The following CTNNA2 variants were observed in gnomAD, a reference collection of about 807,000 sequenced individuals.
The protein encoded by CTNNA2 is catenin alpha-2.
A neutral mutation model predicts 101.0 loss-of-function variants in CTNNA2; 42 were observed. That is an observed-to-expected ratio of 0.42 (90% confidence interval 0.32 to 0.54). The LOEUF is 0.54. CTNNA2 is among the 20% of genes least tolerant of loss of function. CTNNA2 has a pLI of 0.14. For missense variants in CTNNA2, 871 were observed against 1,223.1 expected, an observed-to-expected ratio of 0.71 and a Z score of 4.29; for synonymous variants, 450 against 456.4, an observed-to-expected ratio of 0.99 and a Z score of 0.18.
At chr2:79,587,905 C>T (rs951469773) in intron 1 of CTNNA2, among the ~76,000 whole-genome samples, 1 of 152,156 alleles carries the variant, frequency 6.6e-6, no homozygotes, top group African/African-American at 2.4e-5. Context: ...CAATCTGGCC[C>T]AGCTCAGGTC....
intron 1 of CTNNA2, among the ~76,000 whole-genome samples, chr2:79,623,110 G>T (rs1486751299): frequency 5.3e-5 from 8 of 152,164 alleles, no homozygotes; most frequent in Non-Finnish European, 1.0e-4. Context: ...AGATGTTCAT[G>T]AATCATAGTC....
Position 80,010,343 on chromosome 2 carries a change from A to G in CTNNA2, c.1056+100546A>G, listed in dbSNP as rs1232983571. Among the ~76,000 whole-genome samples, 5 of 152,192 alleles carry G rather than the reference A, an allele frequency of 3.3e-5. No homozygotes were observed. The East Asian group carries it at 7.7e-4, about 24-fold the overall frequency. Reference sequence around the variant, plus strand: ...ATTATTATTATTATTATTTTGAGACAGGGTCTCACTCTGTTGCCCAGGCTG... The same window carrying G: ...ATTATTATTATTATTATTTTGAGACGGGGTCTCACTCTGTTGCCCAGGCTG... On this transcript the variant is annotated intron_variant, in intron 7 of 18. Coordinates refer to ENST00000402739, the MANE Select transcript of CTNNA2 (RefSeq NM_001282597.3).
At chr2:79,609,229 C>T (rs62140087) in intron 1 of CTNNA2, among the ~76,000 whole-genome samples, 19,909 of 151,582 alleles carry the variant, frequency 0.13, 2,174 homozygotes, top group African/African-American at 0.3. Context: ...ATATAAAAAC[C>T]CAATATTATT....
chr2:80,137,723 G>T (rs1250925440), intron 7 of CTNNA2, among the ~76,000 whole-genome samples: 1 of 147,288 alleles, frequency 6.8e-6, no homozygotes, highest in Non-Finnish European at 1.5e-5. Context: ...TAGAACAGCT[G>T]GATCTCCTGC....
intron 9 of CTNNA2, 57 bp downstream of exon 9, chr2:80,419,658 T>C (rs1680339937): frequency 6.5e-7 from 1 of 1,540,544 alleles, no homozygotes; most frequent in Admixed American, 1.8e-5. Context: ...TCTCTGCATA[T>C]GGCTCTTAGA....
At chr2:79,722,064 A>G (rs1686524878) in intron 2 of CTNNA2, among the ~76,000 whole-genome samples, 1 of 152,116 alleles carries the variant, frequency 6.6e-6, no homozygotes, top group African/African-American at 2.4e-5. Flanking sequence ...ATTTGATTCA[A>G]TTTTCTAAAA....
chr2:80,266,705 CA>C (rs746452674), intron 7 of CTNNA2, among the ~76,000 whole-genome samples: 1 of 152,152 alleles, frequency 6.6e-6, no homozygotes, highest in Non-Finnish European at 1.5e-5. Context: ...TGTACTTCAT[CA>C]GAAGAAGTTA....
chr2:79,382,398 G>T (rs1678049417), intron 4 of CTNNA2, among the ~76,000 whole-genome samples: 1 of 151,982 alleles, frequency 6.6e-6, no homozygotes, highest in African/African-American at 2.4e-5. Flanking sequence ...CTCTCTGTCT[G>T]GGTATGTGTG....
chr2:80,314,112 C>T (rs1467584015), intron 7 of CTNNA2, among the ~76,000 whole-genome samples: 4 of 152,132 alleles, frequency 2.6e-5, no homozygotes, highest in African/African-American at 9.7e-5. Context: ...CTGGAATGTG[C>T]TTGGTGGCTA....
chr2:79,670,031 G>A (rs1214564297), intron 2 of CTNNA2, among the ~76,000 whole-genome samples: 1 of 152,174 alleles, frequency 6.6e-6, no homozygotes, highest in African/African-American at 2.4e-5. Flanking sequence ...TGTGGGAGCA[G>A]ACAACTCTGA....
intron 7 of CTNNA2, among the ~76,000 whole-genome samples, chr2:80,040,181 A>G (rs550930647): frequency 3.9e-5 from 6 of 152,184 alleles, no homozygotes; most frequent in Non-Finnish European, 7.3e-5. Flanking sequence ...GTCACACATT[A>G]TATCATTTTA....
intron 7 of CTNNA2, among the ~76,000 whole-genome samples, chr2:80,391,276 T>A (rs1334591895): frequency 6.6e-6 from 1 of 152,164 alleles, no homozygotes; most frequent in Non-Finnish European, 1.5e-5. Flanking sequence ...CAGGCCCATT[T>A]GATTCTCATT....
intron 2 of CTNNA2, among the ~76,000 whole-genome samples, chr2:79,214,351 G>C (rs1482745307): frequency 6.6e-6 from 1 of 152,132 alleles, no homozygotes; most frequent in African/African-American, 2.4e-5. Flanking sequence ...CAGAATAATG[G>C]ATTGTGGAGG....
At chr2:79,774,937 G>A (rs1031737410) in intron 3 of CTNNA2, among the ~76,000 whole-genome samples, 9 of 152,210 alleles carry the variant, frequency 5.9e-5, no homozygotes, top group East Asian at 1.9e-4. Context: ...TGCAGATTGC[G>A]TCAGTAACAT....
At chr2:79,324,646 T>C (rs561832407) in intron 3 of CTNNA2, among the ~76,000 whole-genome samples, 1 of 152,208 alleles carries the variant, frequency 6.6e-6, no homozygotes, top group African/African-American at 2.4e-5. Flanking sequence ...ACTGAGCATT[T>C]CTTTTCTATG....
At chr2:79,567,867 T>C (rs1479418240) in intron 1 of CTNNA2, among the ~76,000 whole-genome samples, 2 of 151,908 alleles carry the variant, frequency 1.3e-5, no homozygotes, top group African/African-American at 2.4e-5. Context: ...CAGGAAAAAA[T>C]GGTTTGAAAT....
At chr2:80,459,404 A>G (rs1378908594) in intron 9 of CTNNA2, among the ~76,000 whole-genome samples, 1 of 152,216 alleles carries the variant, frequency 6.6e-6, no homozygotes, top group African/African-American at 2.4e-5. Flanking sequence ...CATTGAGGTT[A>G]AAAGCTATTC....
chr2:80,119,547 A>T (rs1290651183), intron 7 of CTNNA2, among the ~76,000 whole-genome samples: 3 of 152,224 alleles, frequency 2.0e-5, no homozygotes, highest in Non-Finnish European at 4.4e-5. Flanking sequence ...AAATGAACTT[A>T]TAAGTCAAGA....
chr2:79,421,158 G>A (rs1388714748), intron 4 of CTNNA2, among the ~76,000 whole-genome samples: 1 of 152,112 alleles, frequency 6.6e-6, no homozygotes, highest in African/African-American at 2.4e-5. Flanking sequence ...ATGAGAGTGT[G>A]AGCCACACTA....
Sources: allele counts gnomAD v4.1 joint callset (sites outside exome capture counted in the v4.1 genomes callset), GRCh38; gene constraint gnomAD v4.1.1; transcripts MANE v1.5; gene names NCBI Gene and HGNC (gene_info 2026-07-23, HGNC 2026-07-21).